NDUFA11: variants seen among roughly 807,000 people sequenced by gnomAD.
NDUFA11 encodes NADH:ubiquinone oxidoreductase subunit A11, also known as NADH dehydrogenase [ubiquinone] 1 alpha subcomplex subunit 11.
NDUFA11 carries 14 observed loss-of-function variants against 11.3 expected under a neutral mutation model. The ratio of observed to expected loss-of-function variants is 1.24; its 90% CI spans 0.82 to 1.94. The LOEUF (loss-of-function observed/expected upper bound fraction) is 1.94. Among genes scored for constraint, NDUFA11 ranks in the 30% most tolerant of loss-of-function variants. The probability of loss-of-function intolerance (pLI) is 0.00; values close to 1 mark genes in which losing one functional copy is unlikely to be tolerated. For missense variants in NDUFA11, 204 were observed against 200.3 expected (o/e 1.02, Z -0.11); for synonymous variants, 87 against 85.6 (o/e 1.02, Z -0.09).
At chr19:5,894,643 G>T, downstream of NDUFA11, 1 of 1,547,358 alleles carries the variant, frequency 6.5e-7, no homozygotes, top group Non-Finnish European at 8.7e-7. Flanking sequence ...CGGCTGCTGT[G>T]TCGCCGTCAT....
In NDUFA11 at chr19:5,896,874, G is replaced by A; in HGVS notation, c.190+31C>T. ...GAGAGCTGGGGCTGTGCCAGGAGAG[G>A]GCCCAGCCATGCCCAGCCCAGCGTG... is the stretch of plus-strand genomic sequence containing the variant. On this transcript the variant is annotated intron_variant, in intron 2 of 3. Coordinates refer to ENST00000308961, the MANE Select transcript of NDUFA11 (RefSeq NM_175614.5). This position sits in a 1 kb window ranked among gnomAD's most constrained non-coding sequence, Gnocchi z 5.8. 1 of 1,574,048 alleles carries A rather than the reference G, an allele frequency of 6.4e-7. No individual in the cohort carries two copies. Among genetic ancestry groups the A allele is most frequent in the Non-Finnish European group, 8.7e-7 (1 of 1,144,040 alleles).
Position 5,894,824 on chromosome 19 carries a change from C to G in NDUFA11, c.344G>C (p.Cys115Ser), listed in dbSNP as rs1462060696. 6.2e-7 allele frequency: 1 copy of G among 1,612,354 alleles called. No individual in the cohort carries two copies. The highest frequency in any genetic ancestry group is 8.5e-7 in the Non-Finnish European group (1 of 1,179,290). Residue 115 changes from cysteine (C) to serine (S), a missense_variant, in exon 4 of 4, where the codon TGC becomes TCC. Transcript: ENST00000308961. ...THNYGIGAAA[C>S]VYFGIAASLV... is the part of the protein sequence containing the mutation. ...GGAGGCCGCTATGCCAAAGTACACG[C>G]AGGCGGCGGCGCCAATCCCGTAGTT...
downstream of NDUFA11, chr19:5,893,419 C>T: frequency 1.7e-6 from 1 of 572,194 alleles, no homozygotes; most frequent in Non-Finnish European, 3.1e-6. This position sits in a 1 kb window ranked among gnomAD's most constrained non-coding sequence, Gnocchi z 4.1. Context: ...GAGCCATGAT[C>T]CTGCCACTGC....
chr19:5,903,154 C>T (rs1416855624), intron 1 of NDUFA11, among the ~76,000 whole-genome samples: 1 of 152,046 alleles, frequency 6.6e-6, no homozygotes, highest in East Asian at 1.9e-4. Flanking sequence ...TCCCTAACCA[C>T]CCAGCACCCC....
chr19:5,897,277 G>A (rs931876846), intron 1 of NDUFA11, among the ~76,000 whole-genome samples: 2 of 152,192 alleles, frequency 1.3e-5, no homozygotes, highest in Admixed American at 6.5e-5. Context: ...CCTGCTGGGC[G>A]CCCATCAGCC....
chr19:5,903,782 G>T lies in NDUFA11; in HGVS notation c.-74C>A, dbSNP rs533136847. 20 of 1,467,006 alleles carry T rather than the reference G, an allele frequency of 1.4e-5. No individual in the cohort carries two copies. The East Asian group carries it at 4.7e-4, about 34-fold the overall frequency. 90.9% of individuals were successfully genotyped at this position (1,467,006 alleles called of 1,614,324 possible). On this transcript the variant is annotated 5_prime_UTR_variant, in exon 1 of 4. Coordinates refer to ENST00000308961, the MANE Select transcript of NDUFA11 (RefSeq NM_175614.5). ...GCAAGGGCAGCCGCGGCTGGCTATC[G>T]CGAGACTTCTCGGGCTGCGCGCGCA... is the stretch of plus-strand genomic sequence containing the variant.
intron 1 of NDUFA11, among the ~76,000 whole-genome samples, chr19:5,901,937 C>G (rs1378389014): frequency 6.6e-6 from 1 of 150,494 alleles, no homozygotes; most frequent in East Asian, 2.0e-4. Context: ...TCCCAAAGTG[C>G]TGGGACTACA....
intron 1 of NDUFA11, among the ~76,000 whole-genome samples, chr19:5,902,940 C>A (rs986493921): frequency 4.2e-5 from 6 of 143,288 alleles, no homozygotes; most frequent in African/African-American, 1.6e-4. Context: ...GAACCAGGGA[C>A]GTGAAGGTTG....
intron 1 of NDUFA11, among the ~76,000 whole-genome samples, chr19:5,901,666 GTT>G (rs71927291): frequency 6.8e-5 from 10 of 146,606 alleles, no homozygotes; most frequent in South Asian, 2.1e-4. Context: ...GTTTCTTTGG[GTT>G]TTTTTTTTTT....
intron 1 of NDUFA11, chr19:5,901,503 T>C (rs1434162944): frequency 1.6e-6 from 2 of 1,265,980 alleles, no homozygotes; most frequent in African/African-American, 1.5e-5. Context: ...TTAATAAATA[T>C]GCAAAATATG....
rs1195375566 is a variant in NDUFA11 at position 5,900,563 on chromosome 19, G to C, written c.97+3049C>G. Among the ~76,000 whole-genome samples the C allele has an allele frequency of 2.0e-5, 3 of 152,216 alleles. No homozygotes were observed. The East Asian group carries it at 5.8e-4, about 29-fold the overall frequency. On this transcript the variant is annotated intron_variant, in intron 1 of 3. Transcript: ENST00000308961. ...GAATGAAGTGAGTGGGGCAGTGAGG[G>C]GAGGACCCAGAAACACGTTTCAGCA...
At chr19:5,898,107 T>C (rs1599694246) in intron 1 of NDUFA11, among the ~76,000 whole-genome samples, 1 of 152,310 alleles carries the variant, frequency 6.6e-6, no homozygotes, top group East Asian at 1.9e-4. Flanking sequence ...TCAGTCCCGT[T>C]ATCCCCTCCT....
At chr19:5,895,928 C>A in intron 3 of NDUFA11, 1 of 187,624 alleles carries the variant, frequency 5.3e-6, no homozygotes, top group Non-Finnish European at 1.1e-5. Context: ...GGCAGCTCCC[C>A]TGCAGGGCTC....
chr19:5,899,690 C>T (rs557512058), intron 1 of NDUFA11, among the ~76,000 whole-genome samples: 2 of 152,004 alleles, frequency 1.3e-5, no homozygotes, highest in South Asian at 4.2e-4. Context: ...TGGTCTCAAA[C>T]TCCTGACCTT....
Position 5,903,595 on chromosome 19 carries a change from G to C in NDUFA11, c.97+17C>G, listed in dbSNP as rs757275665. On this transcript the variant is annotated intron_variant, in intron 1 of 3. Transcript: ENST00000308961. ...GCGGCCTCGGCCCTCCACCCTCGGG[G>C]CCCGGCCGGCGCTCACCAGCGACGC... 2.3e-5 allele frequency: 35 copies of C among 1,548,294 alleles called. 1 individual carries two copies. The South Asian group carries it at 4.2e-4, about 18-fold the overall frequency.
In NDUFA11 at chr19:5,896,144, A is replaced by G; in HGVS notation, c.313+309T>C. The G allele has an allele frequency of 1.7e-6, 1 of 577,218 alleles. No individual in the cohort carries two copies. Among genetic ancestry groups the G allele is most frequent in the Non-Finnish European group, 3.1e-6 (1 of 325,914 alleles). The allele number at this position is 577,218 out of a possible 1,614,324, so 35.8% of individuals were successfully genotyped here. A position where few individuals can be genotyped will look rare whatever the true frequency, so the allele number is the denominator to read the frequency against. ...CAGTGAGGGGAACAGCATTCCACGC[A>G]GTGCACTGCCCATGCAAAGGCCCTG... On this transcript the variant is annotated intron_variant, in intron 3 of 3. Transcript: ENST00000308961. The surrounding 1 kb of genome is among the most constrained non-coding windows in gnomAD (Gnocchi z 5.8).
Position 5,896,299 on chromosome 19 carries a change from G to A in NDUFA11, c.313+154C>T. 1.1e-6 allele frequency: 1 copy of A among 904,852 alleles called. No individual in the cohort carries two copies. The highest frequency in any genetic ancestry group is 1.7e-6 in the Non-Finnish European group (1 of 601,540). 56.1% of individuals were successfully genotyped at this position (904,852 alleles called of 1,614,324 possible). ...GGCCACAGTAGGTGCTTAAGCAGCAGCAGCAGCTGTCGCTATGACTGAAAT... is the reference window on the plus strand; with the variant it reads ...GGCCACAGTAGGTGCTTAAGCAGCAACAGCAGCTGTCGCTATGACTGAAAT... On this transcript the variant is annotated intron_variant, in intron 3 of 3. Transcript: ENST00000308961. The surrounding 1 kb of genome is among the most constrained non-coding windows in gnomAD (Gnocchi z 5.8).
downstream of NDUFA11, chr19:5,892,885 T>C (rs1179076837): frequency 3.5e-6 from 5 of 1,416,534 alleles, no homozygotes; most frequent in East Asian, 1.3e-4. Context: ...GCCTGGGTGC[T>C]GCCGTCCTCT....
Position 5,896,463 on chromosome 19 carries a change from C to A in NDUFA11, c.303G>T (p.Leu101=). 1 of 1,572,330 alleles carries A rather than the reference C, an allele frequency of 6.4e-7. No individual in the cohort carries two copies. Among genetic ancestry groups the A allele is most frequent in the Non-Finnish European group, 8.6e-7 (1 of 1,159,354 alleles). Residue 101 remains leucine (L), a synonymous_variant, in exon 3 of 4, where the codon CTG becomes CTT. Coordinates refer to ENST00000308961, the MANE Select transcript of NDUFA11 (RefSeq NM_175614.5). This position sits in a 1 kb window ranked among gnomAD's most constrained non-coding sequence, Gnocchi z 5.8. ...FLGGCAGGLT[L]GARTHNYGIG... ...GAGGGGGCCACTCACTGCGTGCTCC[C>A]AGAGTCAGGCCTCCGGCGCAGCCAC...
Sources: gnomAD v4.1 joint callset for allele counts (sites outside exome capture counted in the v4.1 genomes callset) on GRCh38, gnomAD v4.1.1 for gene constraint, Gnocchi (gnomAD v3.1) non-coding constraint, MANE v1.5 for transcripts, NCBI Gene and HGNC (gene_info 2026-07-23, HGNC 2026-07-21) for gene names.